Variants in TYW1 observed in about 807,000 individuals in gnomAD.
The protein encoded by TYW1 is tRNA-yW synthesizing protein 1 homolog, also known as S-adenosyl-L-methionine-dependent tRNA 4-demethylwyosine synthase TYW1.
In TYW1, 46 loss-of-function variants were observed where a neutral mutation model predicts 96.2. That is an observed-to-expected ratio of 0.48 (90% confidence interval 0.38 to 0.61). The LOEUF is 0.61. TYW1 is among the 20% of genes least tolerant of loss of function. The probability of loss-of-function intolerance (pLI) is 0.00; values close to 1 mark genes in which losing one functional copy is unlikely to be tolerated. For missense variants in TYW1, 684 were observed against 909.6 expected (o/e 0.75, Z 3.19); for synonymous variants, 274 against 323.0 (o/e 0.85, Z 1.63).
chr7:67,210,764 G>GTCTGTCCATCCATCCA (rs1554394271), intron 15 of TYW1, among the ~76,000 whole-genome samples: 1 of 143,988 alleles, frequency 6.9e-6, no homozygotes, highest in African/African-American at 2.6e-5. Context: ...TCGTCTGTCC[G>GTCTGTCCATCCATCCA]TCCATCCATC....
chr7:67,053,188 A>G (rs753587502), intron 8 of TYW1, among the ~76,000 whole-genome samples: 55 of 151,508 alleles, frequency 3.6e-4, no homozygotes, highest in Non-Finnish European at 6.9e-4. Flanking sequence ...AGCTGGCTCA[A>G]TATGGGGCTA....
chr7:67,062,676 AT>A (rs1263774089), intron 9 of TYW1, among the ~76,000 whole-genome samples: 1 of 152,118 alleles, frequency 6.6e-6, no homozygotes, highest in Non-Finnish European at 1.5e-5. Context: ...GCTGCAAACA[AT>A]TTTATGTTAG....
chr7:67,125,717 G>T (rs1296732429), intron 13 of TYW1, among the ~76,000 whole-genome samples: 1 of 152,062 alleles, frequency 6.6e-6, no homozygotes, highest in Non-Finnish European at 1.5e-5. Context: ...CCTGTACTCT[G>T]CCTGTTTATC....
At chr7:67,134,945 C>CAAAAA (rs55746054) in intron 13 of TYW1, among the ~76,000 whole-genome samples, 1 of 66,340 alleles carries the variant, frequency 1.5e-5, no homozygotes, top group African/African-American at 5.7e-5. Context: ...CTTTCTCTAC[C>CAAAAA]AAAAAAAAAA....
At chr7:67,193,926 T>C (rs114199257) in intron 14 of TYW1, among the ~76,000 whole-genome samples, 2,129 of 152,088 alleles carry the variant, frequency 0.014, 50 homozygotes, top group African/African-American at 0.049. Flanking sequence ...CTCCAAGTTA[T>C]TCCCCACTTA....
At chr7:67,108,951 T>C (rs1797319238) in intron 12 of TYW1, among the ~76,000 whole-genome samples, 1 of 151,918 alleles carries the variant, frequency 6.6e-6, no homozygotes, top group African/African-American at 2.4e-5. Context: ...TACTTGTGGG[T>C]CAAAAAGAAG....
intron 13 of TYW1, among the ~76,000 whole-genome samples, chr7:67,162,207 A>G (rs1001302748): frequency 2.6e-5 from 4 of 151,204 alleles, no homozygotes; most frequent in Non-Finnish European, 5.9e-5. Flanking sequence ...CCAGCTACTC[A>G]GGAGGCTGAG....
chr7:67,099,116 C>T (rs1434813802), intron 12 of TYW1, among the ~76,000 whole-genome samples: 1 of 151,884 alleles, frequency 6.6e-6, no homozygotes. Context: ...ACCTCCGCCT[C>T]CCAGGTTCAA....
At chr7:67,221,892 T>G (rs1029740502) in intron 15 of TYW1, among the ~76,000 whole-genome samples, 3 of 151,276 alleles carry the variant, frequency 2.0e-5, no homozygotes, top group African/African-American at 7.3e-5. Context: ...CATTAGTGTG[T>G]TAACATAGAA....
chr7:67,117,427 G>A, intron 12 of TYW1, 56 bp from the exon 13 acceptor site: 1 of 1,565,426 alleles, frequency 6.4e-7, no homozygotes, highest in East Asian at 2.3e-5. Flanking sequence ...TTATATCATG[G>A]AAAGCCTGAT....
intron 3 of TYW1, among the ~76,000 whole-genome samples, chr7:67,005,294 CCTTTTTAAAACATAGAT>C (rs1793535842): frequency 1.3e-5 from 2 of 152,218 alleles, no homozygotes; most frequent in Admixed American, 6.5e-5. Flanking sequence ...ATTAAATAAA[CCTTTTTAAAACATAGAT>C]TGGGCTAGGC....
chr7:67,037,365 G>A (rs1236291644), intron 7 of TYW1, among the ~76,000 whole-genome samples: 4 of 152,038 alleles, frequency 2.6e-5, no homozygotes, highest in Non-Finnish European at 4.4e-5. Flanking sequence ...TTAGCCAGGC[G>A]TGGTGGTGCA....
chr7:67,230,622 A>AC (rs1431124429), intron 15 of TYW1, among the ~76,000 whole-genome samples: 2 of 141,588 alleles, frequency 1.4e-5, no homozygotes, highest in South Asian at 4.5e-4. Context: ...TCGCCCCTGC[A>AC]CCCCCAACCC....
At chr7:67,120,513 A>T (rs533233966) in intron 13 of TYW1, among the ~76,000 whole-genome samples, 1 of 152,176 alleles carries the variant, frequency 6.6e-6, no homozygotes, top group Admixed American at 6.5e-5. Flanking sequence ...AGTTAAATCC[A>T]TGCTTTCTTT....
chr7:67,189,714 GTT>G (rs1800150582), intron 14 of TYW1, among the ~76,000 whole-genome samples: 3 of 152,048 alleles, frequency 2.0e-5, no homozygotes, highest in Admixed American at 1.3e-4. Flanking sequence ...GATTCATTAA[GTT>G]TTTAGATCAC....
At chr7:67,060,771 T>C (rs1346366520) in intron 9 of TYW1, among the ~76,000 whole-genome samples, 2 of 152,232 alleles carry the variant, frequency 1.3e-5, no homozygotes, top group East Asian at 1.9e-4. Context: ...CATTATGATA[T>C]GAAGTTCTTA....
At chr7:67,103,152 A>G (rs1390063273) in intron 12 of TYW1, among the ~76,000 whole-genome samples, 1 of 152,264 alleles carries the variant, frequency 6.6e-6, no homozygotes, top group Non-Finnish European at 1.5e-5. Context: ...CTATCTAGAA[A>G]GAGAAGAACA....
At chr7:67,215,942 C>T (rs1226769546) in intron 15 of TYW1, among the ~76,000 whole-genome samples, 1 of 151,126 alleles carries the variant, frequency 6.6e-6, no homozygotes, top group Non-Finnish European at 1.5e-5. Context: ...AGCCCACTGA[C>T]TCAAATGTTA....
In TYW1 at chr7:67,014,373, A is replaced by G. The variant is rs750216470; in HGVS notation, c.382A>G (p.Ser128Gly). ...CAATTACTTTCTTGGTTAGGTGACT[A>G]GTAAAAATGTCTGTGTCTTCCTGGT... Reference protein sequence around the residue: ...PDDHLIEEVTSKNVCVFLVAT... With the variant: ...PDDHLIEEVTGKNVCVFLVAT... Residue 128 changes from serine (S) to glycine (G), a missense_variant, in exon 5 of 16, where the codon AGT becomes GGT. Transcript: ENST00000359626. 1 of 1,601,950 alleles carries G rather than the reference A, an allele frequency of 6.2e-7. No homozygotes were observed. Among genetic ancestry groups the G allele is most frequent in the East Asian group, 2.2e-5 (1 of 44,690 alleles).
Sources: allele counts gnomAD v4.1 joint callset (sites outside exome capture counted in the v4.1 genomes callset), GRCh38; gene constraint gnomAD v4.1.1; transcripts MANE v1.5; gene names NCBI Gene and HGNC (gene_info 2026-07-23, HGNC 2026-07-21).